The following SPON1 variants were observed in gnomAD, a reference collection of about 807,000 sequenced individuals.
SPON1 encodes spondin-1.
In SPON1, 52 loss-of-function variants were observed where a neutral mutation model predicts 111.7. The ratio of observed to expected loss-of-function variants is 0.47; its 90% CI spans 0.37 to 0.59. The LOEUF (loss-of-function observed/expected upper bound fraction) is 0.59, where lower values mean the gene tolerates loss of function less well. Among genes scored for constraint, SPON1 ranks in the 20% least tolerant of loss-of-function variants. SPON1 has a pLI of 0.00. For synonymous variants in SPON1, 410 were observed against 395.8 expected (o/e 1.04, Z -0.43); for missense variants, 957 against 1,068.5 (o/e 0.90, Z 1.46).
At chr11:14,172,429 G>T (rs1174183798) in intron 6 of SPON1, among the ~76,000 whole-genome samples, 1 of 151,650 alleles carries the variant, frequency 6.6e-6, no homozygotes, top group Non-Finnish European at 1.5e-5. Context: ...ACACTGATGG[G>T]TCTTGACTCT....
At position 14,266,979 on chromosome 11, in the gene SPON1, T is replaced by A. The variant is rs2133931383; in HGVS notation, c.*1292T>A. On this transcript the variant is annotated 3_prime_UTR_variant, in exon 16 of 16. Transcript: ENST00000576479. The stretch of plus-strand genomic sequence containing the variant: ...AAGGACATTTTCTCAGTTGGGTCCA[T>A]CAGCAGTTTTTCTTCCTGCATTTAT... 1 of 152,344 alleles carries A rather than the reference T, an allele frequency of 6.6e-6. No individual in the cohort carries two copies. The highest frequency in any genetic ancestry group is 2.4e-5 in the African/African-American group (1 of 41,582). The allele number at this position is 152,344 out of a possible 1,614,324, so 9.4% of individuals were successfully genotyped here.
chr11:14,045,178 C>T (rs1458504710), intron 3 of SPON1, among the ~76,000 whole-genome samples: 1 of 152,178 alleles, frequency 6.6e-6, no homozygotes, highest in Non-Finnish European at 1.5e-5. Flanking sequence ...TTTACTTGCT[C>T]AATGGCACTT....
At chr11:14,218,940 G>A (rs2133905624) in intron 6 of SPON1, among the ~76,000 whole-genome samples, 1 of 152,276 alleles carries the variant, frequency 6.6e-6, no homozygotes, top group Non-Finnish European at 1.5e-5. Context: ...TTCTGCTCTG[G>A]GCTGCAGAAA....
At chr11:14,037,529 GA>G (rs34072683) in intron 2 of SPON1, among the ~76,000 whole-genome samples, 1 of 147,078 alleles carries the variant, frequency 6.8e-6, no homozygotes, top group Non-Finnish European at 1.5e-5. Context: ...TCCACATGTA[GA>G]AAAAAAAAAA....
chr11:14,107,408 G>C (rs7481845), intron 5 of SPON1, among the ~76,000 whole-genome samples: 115,274 of 151,968 alleles, frequency 0.76, 44,150 homozygotes, highest in African/African-American at 0.85. Context: ...CCGGCTGTCC[G>C]TACTCCAGCG....
At chr11:14,120,571 C>A (rs1554926408) in intron 5 of SPON1, among the ~76,000 whole-genome samples, 1 of 152,104 alleles carries the variant, frequency 6.6e-6, no homozygotes, top group Non-Finnish European at 1.5e-5. Flanking sequence ...ACTTGCCCAC[C>A]CTCCCAATGG....
At chr11:13,996,829 A>G (rs1049321925) in intron 2 of SPON1, among the ~76,000 whole-genome samples, 1 of 152,174 alleles carries the variant, frequency 6.6e-6, no homozygotes, top group Non-Finnish European at 1.5e-5. Flanking sequence ...TATTGTGAAC[A>G]TATTTCAATG....
At chr11:14,211,730 ATAT>A (rs1403051033) in intron 6 of SPON1, among the ~76,000 whole-genome samples, 2 of 152,212 alleles carry the variant, frequency 1.3e-5, no homozygotes, top group East Asian at 3.8e-4. Flanking sequence ...GTATAGTAAT[ATAT>A]TGGGCATAGT....
intron 6 of SPON1, among the ~76,000 whole-genome samples, chr11:14,189,236 C>A (rs879967951): frequency 2.0e-5 from 3 of 152,210 alleles, no homozygotes; most frequent in Non-Finnish European, 4.4e-5. Context: ...TTTAAACATG[C>A]TTTAAATCAG....
intron 1 of SPON1, among the ~76,000 whole-genome samples, chr11:13,972,502 G>A (rs1554908711): frequency 6.6e-6 from 1 of 152,182 alleles, no homozygotes. Flanking sequence ...TATGCACAGT[G>A]TTGATAAGAA....
intron 6 of SPON1, among the ~76,000 whole-genome samples, chr11:14,227,005 C>T (rs557765746): frequency 1.3e-5 from 2 of 152,142 alleles, no homozygotes; most frequent in Non-Finnish European, 2.9e-5. Context: ...TTAGGGCCTA[C>T]CCTGATAATC....
At chr11:14,165,310 G>C (rs947466858) in intron 6 of SPON1, among the ~76,000 whole-genome samples, 4 of 152,116 alleles carry the variant, frequency 2.6e-5, no homozygotes, top group African/African-American at 9.7e-5. Context: ...ATAACACCTT[G>C]ATCTTAAGGT....
intron 2 of SPON1, among the ~76,000 whole-genome samples, chr11:14,024,730 G>A (rs1378223160): frequency 6.6e-6 from 1 of 152,128 alleles, no homozygotes; most frequent in Non-Finnish European, 1.5e-5. Flanking sequence ...TCTCTCTTAG[G>A]TCCATGGGCA....
intron 1 of SPON1, among the ~76,000 whole-genome samples, chr11:13,979,841 T>A (rs546490881): frequency 2.4e-4 from 36 of 152,306 alleles, no homozygotes; most frequent in African/African-American, 7.9e-4. Flanking sequence ...TCTGTTCCCT[T>A]TCCTCCAGAA....
At chr11:14,059,201 G>A (rs1274039636) in intron 3 of SPON1, among the ~76,000 whole-genome samples, 4 of 152,112 alleles carry the variant, frequency 2.6e-5, no homozygotes, top group African/African-American at 7.2e-5. Context: ...TTTTACCCAG[G>A]GTGGCTGCAG....
At position 14,100,143 on chromosome 11, in the gene SPON1, G is replaced by GT. The variant is rs10585637; in HGVS notation, c.676+20137dup. On this transcript the variant is annotated intron_variant, in intron 5 of 15. Transcript: ENST00000576479. ...ATTTCTGCTTTTTTGTACTTACTGA[G>GT]TTTTTTTTTTTTTTTAATAACCTAG... Among the ~76,000 whole-genome samples, 1,152 of 145,834 alleles carry GT rather than the reference G, an allele frequency of 7.9e-3. 12 individuals carry two copies. Among genetic ancestry groups the GT allele is most frequent in the African/African-American group, 0.022 (879 of 39,342 alleles).
intron 2 of SPON1, among the ~76,000 whole-genome samples, chr11:13,986,016 G>A (rs1189658981): frequency 6.6e-6 from 1 of 152,132 alleles, no homozygotes; most frequent in East Asian, 1.9e-4. Flanking sequence ...TTTTTTCTCT[G>A]TACCAAAGCT....
chr11:14,130,272 G>A (rs182297762), intron 5 of SPON1, among the ~76,000 whole-genome samples: 2 of 152,300 alleles, frequency 1.3e-5, no homozygotes, highest in African/African-American at 4.8e-5. Context: ...GAGATGATTG[G>A]ATGGACTCTG....
intron 6 of SPON1, among the ~76,000 whole-genome samples, chr11:14,172,934 T>G (rs1554932654): frequency 6.6e-6 from 1 of 151,908 alleles, no homozygotes; most frequent in African/African-American, 2.4e-5. Context: ...CATTTTTTCC[T>G]TCATTTCAAC....
Sources: gnomAD v4.1 joint callset for allele counts (sites outside exome capture counted in the v4.1 genomes callset) on GRCh38, gnomAD v4.1.1 for gene constraint, MANE v1.5 for transcripts, NCBI Gene and HGNC (gene_info 2026-07-23, HGNC 2026-07-21) for gene names.